SNX10: variants seen among roughly 807,000 people sequenced by gnomAD.
The protein encoded by SNX10 is sorting nexin 10.
In SNX10, 25 loss-of-function variants were observed where a neutral mutation model predicts 28.5. The ratio of observed to expected loss-of-function variants is 0.88; its 90% CI spans 0.64 to 1.22. The LOEUF (loss-of-function observed/expected upper bound fraction) is 1.22. Ranked by LOEUF, SNX10 falls within the 50% of genes most tolerant of loss-of-function variation. SNX10 has a pLI of 0.00. For synonymous variants in SNX10, 62 were observed against 81.4 expected (o/e 0.76, Z 1.28); for missense variants, 223 against 242.6 (o/e 0.92, Z 0.54).
chr7:26,323,117 G>T (rs2128000994), intron 1 of SNX10, among the ~76,000 whole-genome samples: 1 of 152,212 alleles, frequency 6.6e-6, no homozygotes, highest in Non-Finnish European at 1.5e-5. Flanking sequence ...AAGTGTGGCG[G>T]TGTGAGCCTG....
rs1280501605 is a variant in SNX10 at position 26,291,991 on chromosome 7, C to CGCCGCT, written c.-113_-108dup. 135 of 145,748 alleles carry CGCCGCT rather than the reference C, an allele frequency of 9.3e-4. No individual in the cohort carries two copies. The highest frequency in any genetic ancestry group is 3.2e-3 in the African/African-American group (129 of 40,776). 9.0% of individuals were successfully genotyped at this position (145,748 alleles called of 1,614,324 possible). The stretch of plus-strand genomic sequence containing the variant: ...GTGTGCGCTCCTGGGCGCTCGCCGC[C>CGCCGCT]GCCGCTGCCGCCGCGCGCCTTTGAG... On this transcript the variant is annotated 5_prime_UTR_variant, in exon 1 of 7. Transcript: ENST00000338523.
chr7:26,348,125 T>G (rs1282391055), intron 2 of SNX10, among the ~76,000 whole-genome samples: 1 of 152,128 alleles, frequency 6.6e-6, no homozygotes. Context: ...CAGATCAAAG[T>G]ATAGATGTTT....
At chr7:26,321,065 C>A (rs1267170101) in intron 1 of SNX10, among the ~76,000 whole-genome samples, 2 of 152,122 alleles carry the variant, frequency 1.3e-5, no homozygotes, top group African/African-American at 4.8e-5. Flanking sequence ...GATGCTGAGC[C>A]AAAGGTTATG....
intron 1 of SNX10, among the ~76,000 whole-genome samples, chr7:26,304,473 A>G (rs964215902): frequency 1.3e-5 from 2 of 151,986 alleles, no homozygotes; most frequent in Non-Finnish European, 1.5e-5. Context: ...AGAACGTGTC[A>G]CTCCAGTCCT....
chr7:26,339,536 TTTTTTTC>T (rs1222198487), intron 1 of SNX10, among the ~76,000 whole-genome samples: 8 of 36,866 alleles, frequency 2.2e-4, no homozygotes, highest in African/African-American at 8.0e-4. Flanking sequence ...TGATCTTTTT[TTTTTTTC>T]TTTTTTTTTT....
At chr7:26,311,992 T>C (rs79142464) in intron 1 of SNX10, among the ~76,000 whole-genome samples, 1,522 of 152,190 alleles carry the variant, frequency 0.01, 20 homozygotes, top group African/African-American at 0.035. Flanking sequence ...TCTGGTAAAG[T>C]AGGACAAATA....
intron 5 of SNX10, among the ~76,000 whole-genome samples, chr7:26,366,612 C>T (rs1562821808): frequency 1.3e-5 from 2 of 152,204 alleles, no homozygotes; most frequent in Non-Finnish European, 2.9e-5. Flanking sequence ...TGGCCTCTCC[C>T]TTGAGATGTG....
intron 5 of SNX10, among the ~76,000 whole-genome samples, chr7:26,366,428 C>G (rs187341940): frequency 1.3e-5 from 2 of 152,296 alleles, no homozygotes; most frequent in East Asian, 3.9e-4. Context: ...ATAAACATGG[C>G]AAGAGACCAG....
intron 1 of SNX10, among the ~76,000 whole-genome samples, chr7:26,294,930 C>G (rs931998805): frequency 6.6e-6 from 1 of 152,308 alleles, no homozygotes; most frequent in Middle Eastern, 3.4e-3. Flanking sequence ...AGCCACCCAC[C>G]TGCGAATGTA....
At chr7:26,365,586 C>T (rs919015804) in intron 5 of SNX10, among the ~76,000 whole-genome samples, 25 of 152,146 alleles carry the variant, frequency 1.6e-4, no homozygotes, top group Admixed American at 1.2e-3. Context: ...AATAGTTTAA[C>T]GCTGATCTTT....
chr7:26,325,304 AAAATATAT>A (rs1562796524), intron 1 of SNX10, among the ~76,000 whole-genome samples: 1 of 3,922 alleles, frequency 2.5e-4, no homozygotes, highest in Non-Finnish European at 7.0e-4. Context: ...TGAAGTTTGC[AAAATATAT>A]ATATATATAT....
At chr7:26,318,926 C>T (rs985538068) in intron 1 of SNX10, among the ~76,000 whole-genome samples, 9 of 152,094 alleles carry the variant, frequency 5.9e-5, no homozygotes, top group East Asian at 1.9e-4. Context: ...GAGGCTTTCT[C>T]GGAGAGGTTA....
chr7:26,341,052 C>A (rs868720410), intron 1 of SNX10, among the ~76,000 whole-genome samples: 1 of 152,146 alleles, frequency 6.6e-6, no homozygotes, highest in African/African-American at 2.4e-5. Context: ...TTATTGAGCA[C>A]TTTGGGAGGC....
chr7:26,317,070 A>T (rs1787123708), intron 1 of SNX10, among the ~76,000 whole-genome samples: 1 of 152,214 alleles, frequency 6.6e-6, no homozygotes, highest in Non-Finnish European at 1.5e-5. Flanking sequence ...GAGCCATGCC[A>T]TTTGTAATTT....
chr7:26,348,675 A>G (rs1403418994), intron 2 of SNX10, among the ~76,000 whole-genome samples: 5 of 152,204 alleles, frequency 3.3e-5, no homozygotes, highest in Non-Finnish European at 7.3e-5. Flanking sequence ...AACAAAGTCA[A>G]AACACCTGCA....
At chr7:26,351,209 A>T (rs1410168472) in intron 2 of SNX10, among the ~76,000 whole-genome samples, 1 of 152,262 alleles carries the variant, frequency 6.6e-6, no homozygotes, top group Admixed American at 6.5e-5. Context: ...GAAAAGAAAG[A>T]ATTAGTAAAC....
intron 1 of SNX10, among the ~76,000 whole-genome samples, chr7:26,299,646 G>A (rs991358195): frequency 1.3e-5 from 2 of 151,830 alleles, no homozygotes; most frequent in African/African-American, 2.4e-5. Flanking sequence ...GGCTGGTCTC[G>A]AACTCGTGAC....
intron 1 of SNX10, among the ~76,000 whole-genome samples, chr7:26,302,373 G>T (rs1478799958): frequency 6.6e-6 from 1 of 152,126 alleles, no homozygotes; most frequent in African/African-American, 2.4e-5. Flanking sequence ...GCAGGCAGGA[G>T]ATGGACTCTA....
chr7:26,307,934 C>A lies in SNX10; in HGVS notation c.-24+15848C>A, dbSNP rs73283362. 7.6e-3 allele frequency among the ~76,000 whole-genome samples: 1,161 copies of A among 152,252 alleles called. 15 individuals carry two copies. The highest frequency in any genetic ancestry group is 0.027 in the African/African-American group (1,111 of 41,530). ...GTAATTTCTCTCCCTGGCAATCCTT[C>A]CAACACCCATCCCAGATGAATCACT... is the stretch of plus-strand genomic sequence containing the variant. On this transcript the variant is annotated intron_variant, in intron 1 of 6. Transcript: ENST00000338523.
Sources: allele counts gnomAD v4.1 joint callset (sites outside exome capture counted in the v4.1 genomes callset), GRCh38; gene constraint gnomAD v4.1.1; transcripts MANE v1.5; gene names NCBI Gene and HGNC (gene_info 2026-07-23, HGNC 2026-07-21).